The following GTF3C3 variants were observed in gnomAD, a reference collection of about 807,000 sequenced individuals.
GTF3C3 encodes general transcription factor IIIC subunit 3, also known as general transcription factor 3C polypeptide 3.
A neutral mutation model predicts 105.2 loss-of-function variants in GTF3C3; 75 were observed. The ratio of observed to expected loss-of-function variants is 0.71; its 90% CI spans 0.59 to 0.86. GTF3C3 has a LOEUF of 0.86. GTF3C3 is among the 40% of genes least tolerant of loss of function. The pLI, the probability that GTF3C3 is intolerant of heterozygous loss-of-function variation, is 0.00. For synonymous variants in GTF3C3, 335 were observed against 370.4 expected (o/e 0.90, Z 1.10); for missense variants, 856 against 1,076.5 (o/e 0.80, Z 2.87).
intron 2 of GTF3C3, among the ~76,000 whole-genome samples, chr2:196,796,893 G>C (rs184352409): frequency 5.5e-4 from 84 of 152,240 alleles, no homozygotes; most frequent in African/African-American, 1.9e-3. Context: ...TTTCCTGGCA[G>C]AATAAGAAAC....
intron 1 of GTF3C3, among the ~76,000 whole-genome samples, chr2:196,798,498 T>G (rs1287453336): frequency 6.6e-6 from 1 of 151,928 alleles, no homozygotes; most frequent in African/African-American, 2.4e-5. Context: ...CACTCCAGCA[T>G]GGGTGACAGA....
chr2:196,798,769 G>A (rs934507014), intron 1 of GTF3C3, among the ~76,000 whole-genome samples: 2 of 150,476 alleles, frequency 1.3e-5, no homozygotes, highest in Admixed American at 1.3e-4. Flanking sequence ...GGCTGAGGCA[G>A]GAGAATCGCT....
rs746393110 is a variant in GTF3C3, at chr2:196,764,693, GA to G, written c.2539-9del. The G allele has an allele frequency of 6.2e-7, 1 of 1,601,734 alleles. No individual in the cohort carries two copies. The highest frequency in any genetic ancestry group is 1.1e-5 in the South Asian group (1 of 89,602). The stretch of plus-strand genomic sequence containing the variant: ...CTGGTCAAGTTCTATACCCTAGGGA[GA>G]AAAAGATACCTTTATGTTTAATATT... On this transcript the variant is annotated splice_polypyrimidine_tract_variant and intron_variant, in intron 17 of 17. Transcript: ENST00000263956.
intron 15 of GTF3C3, among the ~76,000 whole-genome samples, chr2:196,770,805 TAACC>T (rs1699158884): frequency 1.3e-5 from 2 of 152,238 alleles, no homozygotes. Flanking sequence ...TCTATCATTT[TAACC>T]TTTTGTAAAA....
chr2:196,796,067 T>C (rs912182546), intron 2 of GTF3C3, among the ~76,000 whole-genome samples: 1 of 152,256 alleles, frequency 6.6e-6, no homozygotes, highest in Non-Finnish European at 1.5e-5. Context: ...TATTTAGTAC[T>C]GTCCAGAGGA....
At chr2:196,790,993 A>G (rs1353380673) in intron 4 of GTF3C3, among the ~76,000 whole-genome samples, 1 of 152,220 alleles carries the variant, frequency 6.6e-6, no homozygotes, top group Non-Finnish European at 1.5e-5. Flanking sequence ...AAATAGAGTA[A>G]CATAATCTAG....
chr2:196,779,039 T>G lies in GTF3C3; in HGVS notation c.1247A>C (p.Asn416Thr). 1 of 1,613,840 alleles carries G rather than the reference T, an allele frequency of 6.2e-7. No homozygotes were observed. The highest frequency in any genetic ancestry group is 1.3e-5 in the African/African-American group (1 of 75,010). ...NPLLTTLVEQ[N>T]PEDMGDLYLD... Reference sequence around the variant, plus strand: ...GTATAGGTCTCCCATATCTTCAGGATTCTGTTCTACTAGTGTTGTCAAGAG... The same window carrying G: ...GTATAGGTCTCCCATATCTTCAGGAGTCTGTTCTACTAGTGTTGTCAAGAG... Residue 416 changes from asparagine (N) to threonine (T), a missense_variant, in exon 10 of 18, where the codon AAT (asparagine) becomes ACT (threonine). Physicochemically the swap from Asn to Thr is moderately conservative, Grantham distance 65 (BLOSUM62 0). This residue lies in a region of GTF3C3 where 605 missense variants were observed against 833.6 expected (regional missense o/e 0.73). Coordinates refer to ENST00000263956, the MANE Select transcript of GTF3C3 (RefSeq NM_012086.5).
chr2:196,766,763 A>G (rs1199303977), intron 16 of GTF3C3, 46 bp from the exon 17 acceptor site: 1 of 1,467,586 alleles, frequency 6.8e-7, no homozygotes, highest in Non-Finnish European at 9.4e-7. Context: ...TGATTTGACA[A>G]TTATGTACTA....
intron 6 of GTF3C3, among the ~76,000 whole-genome samples, chr2:196,788,120 C>T (rs775913573): frequency 6.6e-6 from 1 of 152,254 alleles, no homozygotes; most frequent in Non-Finnish European, 1.5e-5. Flanking sequence ...CCTCAGTGCT[C>T]ATTGTATTCC....
rs1045604918 is a variant in GTF3C3 at position 196,789,805 on chromosome 2, T to A, written c.727+74A>T. On this transcript the variant is annotated intron_variant, in intron 5 of 17. Transcript: ENST00000263956. ...TCTCAGCCAATATCACACCCCAGAA[T>A]AGCAAATACAATGATCAAAAAACCT... The A allele has an allele frequency of 3.3e-6, 3 of 912,340 alleles. No homozygotes were observed. In the African/African-American group the frequency reaches 5.1e-5, roughly 16 times the overall value. 56.5% of individuals were successfully genotyped at this position (912,340 alleles called of 1,614,324 possible).
At chr2:196,798,026 T>G in intron 1 of GTF3C3, 118 bp from the exon 2 acceptor site, 1 of 667,680 alleles carries the variant, frequency 1.5e-6, no homozygotes. Context: ...GACCATGGGT[T>G]GGCAGTTTAT....
rs1036334695 is a variant in GTF3C3 at position 196,780,433 on chromosome 2, T to C, written c.1218+126A>G. On this transcript the variant is annotated intron_variant, in intron 9 of 17. Transcript: ENST00000263956. Reference sequence around the variant, plus strand: ...TATTCATACAAAATTATTTGATGCTTATTGTTACCTCCTTGGTTATTAAGA... The same window carrying C: ...TATTCATACAAAATTATTTGATGCTCATTGTTACCTCCTTGGTTATTAAGA... 53 of 1,338,530 alleles carry C rather than the reference T, an allele frequency of 4.0e-5. No individual in the cohort carries two copies. The African/African-American group carries it at 7.7e-4, about 20-fold the overall frequency. 82.9% of individuals were successfully genotyped at this position (1,338,530 alleles called of 1,614,324 possible).
In GTF3C3 at chr2:196,763,910, A is replaced by C. The variant is rs1699013684; in HGVS notation, c.*653T>G. On this transcript the variant is annotated 3_prime_UTR_variant, in exon 18 of 18. Coordinates refer to ENST00000263956, the MANE Select transcript of GTF3C3 (RefSeq NM_012086.5). The stretch of plus-strand genomic sequence containing the variant: ...GGAAACCATGTCCTGTTATTGAACA[A>C]GCTCTTCTCTATTTTTTCATCAGAA... The C allele has an allele frequency of 6.6e-6, 1 of 152,182 alleles. No homozygotes were observed. Among genetic ancestry groups the C allele is most frequent in the African/African-American group, 2.4e-5 (1 of 41,426 alleles). 9.4% of individuals were successfully genotyped at this position (152,182 alleles called of 1,614,324 possible).
At chr2:196,799,230 T>C (rs1699703111) in intron 1 of GTF3C3, 1 of 341,188 alleles carries the variant, frequency 2.9e-6, no homozygotes, top group African/African-American at 2.1e-5. Context: ...CCACCTCCCA[T>C]TTAACTTACC....
chr2:196,769,714 T>C (rs1177589427), intron 16 of GTF3C3, among the ~76,000 whole-genome samples: 1 of 152,190 alleles, frequency 6.6e-6, no homozygotes, highest in Non-Finnish European at 1.5e-5. Flanking sequence ...TGTGTACCTT[T>C]ACTATATCGC....
At chr2:196,792,491 T>A (rs1699566252) in intron 3 of GTF3C3, among the ~76,000 whole-genome samples, 1 of 152,162 alleles carries the variant, frequency 6.6e-6, no homozygotes, top group South Asian at 2.1e-4. Context: ...AAAAGCGCAG[T>A]CCATTTTGAC....
At chr2:196,767,350 A>C (rs994071816) in intron 16 of GTF3C3, among the ~76,000 whole-genome samples, 1 of 152,194 alleles carries the variant, frequency 6.6e-6, no homozygotes, top group Non-Finnish European at 1.5e-5. Flanking sequence ...ACCTCTTCCC[A>C]TATTCACTTT....
intron 17 of GTF3C3, among the ~76,000 whole-genome samples, chr2:196,765,237 A>G (rs776334933): frequency 1.3e-5 from 2 of 152,176 alleles, no homozygotes; most frequent in African/African-American, 2.4e-5. Flanking sequence ...TCCCACATAC[A>G]TAACAATGCA....
intron 8 of GTF3C3, among the ~76,000 whole-genome samples, chr2:196,781,358 ATATATATAT>A (rs1291610974): frequency 6.3e-5 from 2 of 31,928 alleles, no homozygotes; most frequent in Non-Finnish European, 1.1e-4. Flanking sequence ...AAAAAAAAAA[ATATATATAT>A]ATATATATAT....
Sources: gnomAD v4.1 joint callset for allele counts (sites outside exome capture counted in the v4.1 genomes callset) on GRCh38, gnomAD v4.1.1 for gene constraint, gnomAD v4.1.1 regional missense constraint, MANE v1.5 for transcripts, NCBI Gene and HGNC (gene_info 2026-07-23, HGNC 2026-07-21) for gene names.